Variants in PRKN observed in about 807,000 individuals in gnomAD.
PRKN encodes E3 ubiquitin-protein ligase parkin.
PRKN carries 56 observed loss-of-function variants against 59.5 expected under a neutral mutation model. The observed-to-expected ratio is 0.94, with a 90% CI of 0.76 to 1.18. The LOEUF (loss-of-function observed/expected upper bound fraction) is 1.18, where lower values mean the gene tolerates loss of function less well. PRKN is among the 50% of genes most tolerant of loss of function. The pLI is 0.00. For synonymous variants in PRKN, 250 were observed against 222.1 expected, an observed-to-expected ratio of 1.13 and a Z score of -1.12; for missense variants, 657 against 596.4, an observed-to-expected ratio of 1.10 and a Z score of -1.06.
chr6:161,991,537 G>T (rs1274943967), intron 5 of PRKN, among the ~76,000 whole-genome samples: 1 of 152,124 alleles, frequency 6.6e-6, no homozygotes, highest in African/African-American at 2.4e-5. Flanking sequence ...ATGGCTAAAT[G>T]AATTTTAAAA....
chr6:162,665,795 A>C (rs936964235), intron 1 of PRKN, among the ~76,000 whole-genome samples: 2 of 152,222 alleles, frequency 1.3e-5, no homozygotes, highest in African/African-American at 4.8e-5. Flanking sequence ...ACAAGGGTAC[A>C]GTAACCAAAA....
At chr6:162,268,561 T>C (rs1424496819) in intron 2 of PRKN, among the ~76,000 whole-genome samples, 1 of 152,236 alleles carries the variant, frequency 6.6e-6, no homozygotes, top group Non-Finnish European at 1.5e-5. Context: ...AGAAATAGTG[T>C]GTAAATCCAA....
rs1248554109 is a variant in PRKN at position 162,286,919 on chromosome 6, C to A, written c.172-24154G>T. Among the ~76,000 whole-genome samples the A allele has an allele frequency of 1.3e-5, 2 of 152,160 alleles. 1 individual carries two copies. Among genetic ancestry groups the A allele is most frequent in the Non-Finnish European group, 2.9e-5 (2 of 68,040 alleles). On this transcript the variant is annotated intron_variant, in intron 2 of 11. Transcript: ENST00000366898. Reference sequence around the variant, plus strand: ...TTGCATCCAGGTTCATCTTGTAAAACCACGTTGAACTGCTTACCTTGACTG... The same window carrying A: ...TTGCATCCAGGTTCATCTTGTAAAAACACGTTGAACTGCTTACCTTGACTG...
At chr6:161,929,587 G>A (rs1411885702) in intron 6 of PRKN, among the ~76,000 whole-genome samples, 1 of 130,926 alleles carries the variant, frequency 7.6e-6, no homozygotes, top group African/African-American at 2.9e-5. Flanking sequence ...GCAGTGGCAT[G>A]ATCTCAGCTT....
chr6:162,054,958 T>TC (rs1777797482), intron 4 of PRKN, among the ~76,000 whole-genome samples: 1 of 152,114 alleles, frequency 6.6e-6, no homozygotes, highest in Non-Finnish European at 1.5e-5. Flanking sequence ...GGTCAGGAGT[T>TC]CAAGACCAGT....
At chr6:161,490,897 CCT>C (rs965603348) in intron 9 of PRKN, among the ~76,000 whole-genome samples, 2 of 151,916 alleles carry the variant, frequency 1.3e-5, no homozygotes, top group African/African-American at 2.4e-5. Context: ...ATCTCTCCTC[CCT>C]CTCTCTCTTC....
chr6:161,410,602 T>C lies in PRKN; in HGVS notation c.1084-23725A>G, dbSNP rs1787491038. 6.6e-6 allele frequency among the ~76,000 whole-genome samples: 1 copy of C among 152,090 alleles called. No individual in the cohort carries two copies. The highest frequency in any genetic ancestry group is 2.4e-5 in the African/African-American group (1 of 41,388). ...AGCGAGAGGGGAAGGGCGAGCTATT[T>C]CCTCCATTCTGGTGCTCATCGTGGG... On this transcript the variant is annotated intron_variant, in intron 9 of 11. Coordinates refer to ENST00000366898, the MANE Select transcript of PRKN (RefSeq NM_004562.3). This position sits in a 1 kb window ranked among gnomAD's most constrained non-coding sequence, Gnocchi z 5.3.
chr6:161,679,853 A>G (rs925972176), intron 7 of PRKN, among the ~76,000 whole-genome samples: 7 of 138,274 alleles, frequency 5.1e-5, no homozygotes, highest in African/African-American at 1.9e-4. Context: ...CTCCTGGGTT[A>G]ACACCATTCT....
chr6:162,274,343 C>T (rs1203165216), intron 2 of PRKN, among the ~76,000 whole-genome samples: 5 of 151,958 alleles, frequency 3.3e-5, no homozygotes, highest in African/African-American at 1.2e-4. Flanking sequence ...TGTGCCACTA[C>T]ATCCAGCTAA....
chr6:161,693,085 A>G (rs1259416465), intron 7 of PRKN, among the ~76,000 whole-genome samples: 1 of 152,112 alleles, frequency 6.6e-6, no homozygotes, highest in Non-Finnish European at 1.5e-5. Flanking sequence ...TTCTGATCAT[A>G]AAAATAGATG....
At chr6:161,624,552 C>T (rs559820248) in intron 7 of PRKN, among the ~76,000 whole-genome samples, 4 of 152,222 alleles carry the variant, frequency 2.6e-5, no homozygotes, top group Admixed American at 2.6e-4. Flanking sequence ...GCAACAACAA[C>T]AAAAAAACCT....
At chr6:161,770,553 C>G (rs141996365) in intron 7 of PRKN, among the ~76,000 whole-genome samples, 1 of 152,118 alleles carries the variant, frequency 6.6e-6, no homozygotes, top group South Asian at 2.1e-4. Flanking sequence ...CTGTAACCTC[C>G]GCTTCCCAGG....
At chr6:162,689,928 G>T (rs1777710113) in intron 1 of PRKN, among the ~76,000 whole-genome samples, 1 of 152,148 alleles carries the variant, frequency 6.6e-6, no homozygotes, top group African/African-American at 2.4e-5. Flanking sequence ...CCTATGTGGG[G>T]TGACCAATTT....
Position 161,620,355 on chromosome 6 carries a change from G to A in PRKN, c.872-50939C>T, listed in dbSNP as rs575714096. ...TTGGCTTTAGATCCTTGACTCCCAC[G>A]CTGTACAGCCCATTGTCCCAAGACA... On this transcript the variant is annotated intron_variant, in intron 7 of 11. Coordinates refer to ENST00000366898, the MANE Select transcript of PRKN (RefSeq NM_004562.3). Among the ~76,000 whole-genome samples, 109 of 152,068 alleles carry A rather than the reference G, an allele frequency of 7.2e-4. No individual in the cohort carries two copies. The South Asian group carries it at 0.021, about 29-fold the overall frequency.
chr6:161,466,265 G>A lies in PRKN; in HGVS notation c.1084-79388C>T, dbSNP rs538401167. ...CTTCTGCTCAGTCTTCTGTTAACCT[G>A]TTGAATGATTTAGTCAATTCTGATA... is the stretch of plus-strand genomic sequence containing the variant. On this transcript the variant is annotated intron_variant, in intron 9 of 11. Coordinates refer to ENST00000366898, the MANE Select transcript of PRKN (RefSeq NM_004562.3). The surrounding 1 kb of genome is among the most constrained non-coding windows in gnomAD (Gnocchi z 5.0). 2.0e-5 allele frequency among the ~76,000 whole-genome samples: 3 copies of A among 152,182 alleles called. No homozygotes were observed. Among genetic ancestry groups the A allele is most frequent in the Admixed American group, 2.0e-4 (3 of 15,290 alleles).
chr6:162,134,501 T>A (rs1781493982), intron 4 of PRKN, among the ~76,000 whole-genome samples: 1 of 152,106 alleles, frequency 6.6e-6, no homozygotes, highest in East Asian at 1.9e-4. Context: ...CCAGGAGAAG[T>A]TTCAGAAGGG....
rs1476978256 is a variant in PRKN, at chr6:161,377,268, G to A, written c.1167+9526C>T. ...GTGCAGCAATTGTCATAAGACAGAA[G>A]TGGGGCATCTAGGCCCAGGCCCAAG... On this transcript the variant is annotated intron_variant, in intron 10 of 11. Coordinates refer to ENST00000366898, the MANE Select transcript of PRKN (RefSeq NM_004562.3). The surrounding 1 kb of genome is among the most constrained non-coding windows in gnomAD (Gnocchi z 4.2). 6.6e-6 allele frequency among the ~76,000 whole-genome samples: 1 copy of A among 152,258 alleles called. No individual in the cohort carries two copies. The highest frequency in any genetic ancestry group is 1.5e-5 in the Non-Finnish European group (1 of 68,040).
At chr6:161,902,213 C>T (rs764157915) in intron 6 of PRKN, among the ~76,000 whole-genome samples, 3 of 152,116 alleles carry the variant, frequency 2.0e-5, no homozygotes, top group East Asian at 1.9e-4. Context: ...CTCCCCTGGC[C>T]GGCCCCGTCC....
chr6:162,188,347 C>G (rs572118796), intron 4 of PRKN, among the ~76,000 whole-genome samples: 88 of 152,172 alleles, frequency 5.8e-4, no homozygotes, highest in Non-Finnish European at 7.5e-4. Flanking sequence ...AGCTCAGTGT[C>G]TGACACAGTG....
Sources: allele counts gnomAD v4.1 joint callset (sites outside exome capture counted in the v4.1 genomes callset), GRCh38; gene constraint gnomAD v4.1.1; non-coding constraint Gnocchi (gnomAD v3.1); transcripts MANE v1.5; gene names NCBI Gene and HGNC (gene_info 2026-07-23, HGNC 2026-07-21).